The following GALNT13 variants were observed in gnomAD, a reference collection of about 807,000 sequenced individuals.
GALNT13 encodes the protein UDP-GalNAc:polypeptide N-acetylgalactosaminyltransferase 13.
Under a neutral mutation model 64.2 loss-of-function variants are expected in GALNT13, and 28 were observed. The observed-to-expected ratio is 0.44, with a 90% confidence interval of 0.32 to 0.60. The LOEUF is 0.60. Ranked by LOEUF, GALNT13 falls within the 20% of genes least tolerant of loss-of-function variation. The pLI is 0.05. For missense variants in GALNT13, 577 were observed against 669.8 expected (o/e 0.86, Z 1.53); for synonymous variants, 214 against 224.6 (o/e 0.95, Z 0.42).
chr2:153,437,284 G>GA, the GALNT13 span, among the ~76,000 whole-genome samples: 2 of 152,206 alleles, frequency 1.3e-5, no homozygotes, highest in Admixed American at 1.3e-4. Flanking sequence ...GTGTGGTGCT[G>GA]AAAAAAATGT....
At chr2:153,268,576 C>T in the GALNT13 span, among the ~76,000 whole-genome samples, 1 of 152,210 alleles carries the variant, frequency 6.6e-6, no homozygotes, top group Admixed American at 6.5e-5. Flanking sequence ...CCTCTTTTTA[C>T]AGTTCCACTA....
rs551938376 is a variant in GALNT13 at position 154,452,582 on chromosome 2, A to G, written c.*2031A>G. On this transcript the variant is annotated 3_prime_UTR_variant, in exon 13 of 13. Coordinates refer to ENST00000392825, the MANE Select transcript of GALNT13 (RefSeq NM_052917.4). ...ATGGCAAATTTTTATAAATACAGCT[A>G]CCCCATCAAAGCTGAACTTGAAACG... The G allele has an allele frequency of 6.6e-6, 1 of 152,254 alleles. No individual in the cohort carries two copies. Among genetic ancestry groups the G allele is most frequent in the East Asian group, 1.9e-4 (1 of 5,176 alleles). The allele number at this position is 152,254 out of a possible 1,614,324, so 9.4% of individuals were successfully genotyped here. A position where few individuals can be genotyped will look rare whatever the true frequency, so the allele number is the denominator to read the frequency against.
the GALNT13 span, among the ~76,000 whole-genome samples, chr2:153,606,705 G>C: frequency 1.1e-4 from 16 of 151,910 alleles, no homozygotes; most frequent in Non-Finnish European, 1.6e-4. Context: ...ACTTAGAGTA[G>C]TGTGACAAGC....
At chr2:153,811,161 G>A in the GALNT13 span, among the ~76,000 whole-genome samples, 1 of 152,104 alleles carries the variant, frequency 6.6e-6, no homozygotes, top group African/African-American at 2.4e-5. Context: ...GTTCAGAAAG[G>A]TTAGAAATAC....
At chr2:153,503,750 A>G in the GALNT13 span, among the ~76,000 whole-genome samples, 3 of 152,192 alleles carry the variant, frequency 2.0e-5, no homozygotes, top group African/African-American at 7.2e-5. Context: ...CTATGTGCCT[A>G]TTTTTATACA....
chr2:154,350,119 T>TGAA (rs1696309575), intron 9 of GALNT13, among the ~76,000 whole-genome samples: 1 of 152,222 alleles, frequency 6.6e-6, no homozygotes, highest in African/African-American at 2.4e-5. Flanking sequence ...CATTTGTGCA[T>TGAA]TCAACAAACA....
the GALNT13 span, among the ~76,000 whole-genome samples, chr2:153,844,867 A>C: frequency 6.6e-6 from 1 of 152,182 alleles, no homozygotes; most frequent in Non-Finnish European, 1.5e-5. Context: ...AAATATCCCT[A>C]GGCATGAACA....
the GALNT13 span, among the ~76,000 whole-genome samples, chr2:153,788,794 T>C: frequency 8.0e-4 from 121 of 152,044 alleles, no homozygotes; most frequent in Non-Finnish European, 4.4e-5. Context: ...AAGCAGAGGT[T>C]GCAATCCTAA....
At chr2:153,083,310 A>G in the GALNT13 span, among the ~76,000 whole-genome samples, 2 of 152,194 alleles carry the variant, frequency 1.3e-5, no homozygotes, top group Non-Finnish European at 2.9e-5. Flanking sequence ...TCTTTAAGGA[A>G]TTAAAATTGT....
chr2:153,967,554 G>A (rs891730125), intron 3 of GALNT13, among the ~76,000 whole-genome samples: 16 of 152,168 alleles, frequency 1.1e-4, no homozygotes, highest in Non-Finnish European at 2.1e-4. Context: ...CCTAGGCAAA[G>A]CCTCTTGTTT....
chr2:153,851,490 C>T, the GALNT13 span, among the ~76,000 whole-genome samples: 4 of 151,420 alleles, frequency 2.6e-5, no homozygotes, highest in Admixed American at 6.6e-5. Flanking sequence ...GACTTGAGGC[C>T]AGGAGTTCCT....
chr2:153,617,475 G>C, the GALNT13 span, among the ~76,000 whole-genome samples: 1 of 151,848 alleles, frequency 6.6e-6, no homozygotes, highest in Non-Finnish European at 1.5e-5. Context: ...GTATTTTGTT[G>C]ATGATTATTG....
chr2:154,412,976 T>C (rs897272456), intron 11 of GALNT13, among the ~76,000 whole-genome samples: 15 of 151,914 alleles, frequency 9.9e-5, no homozygotes, highest in African/African-American at 3.4e-4. Context: ...AACTTGAATA[T>C]AAACTTTTAC....
At chr2:154,177,639 A>G (rs914330229) in intron 4 of GALNT13, among the ~76,000 whole-genome samples, 2 of 152,192 alleles carry the variant, frequency 1.3e-5, no homozygotes, top group African/African-American at 4.8e-5. Flanking sequence ...GATGTTAGTA[A>G]CAGGGATACT....
chr2:153,882,620 T>C (rs537176338), intron 1 of GALNT13, among the ~76,000 whole-genome samples: 3 of 151,996 alleles, frequency 2.0e-5, no homozygotes, highest in African/African-American at 7.2e-5. Flanking sequence ...TTTATTCCTT[T>C]ATATTCTTTA....
chr2:153,231,803 G>T, the GALNT13 span, among the ~76,000 whole-genome samples: 1 of 151,790 alleles, frequency 6.6e-6, no homozygotes, highest in Non-Finnish European at 1.5e-5. Context: ...TTCCTAGCTG[G>T]GGATAAAAGG....
chr2:153,344,330 C>T, the GALNT13 span, among the ~76,000 whole-genome samples: 2 of 152,214 alleles, frequency 1.3e-5, no homozygotes, highest in Admixed American at 6.5e-5. Flanking sequence ...AGTCTTCAGT[C>T]TTCCCATAAC....
At chr2:154,085,772 G>A (rs1429804670) in intron 3 of GALNT13, among the ~76,000 whole-genome samples, 1 of 151,742 alleles carries the variant, frequency 6.6e-6, no homozygotes, top group Non-Finnish European at 1.5e-5. Flanking sequence ...TTCTTTTCTT[G>A]AAGTACGTTA....
the GALNT13 span, among the ~76,000 whole-genome samples, chr2:153,409,397 A>G: frequency 7.7e-6 from 1 of 129,884 alleles, no homozygotes; most frequent in South Asian, 2.7e-4. Context: ...TATATCTCCT[A>G]GTAGTTCTGT....
Sources: gnomAD v4.1 joint callset for allele counts (sites outside exome capture counted in the v4.1 genomes callset) on GRCh38, gnomAD v4.1.1 for gene constraint, MANE v1.5 for transcripts, NCBI Gene and HGNC (gene_info 2026-07-23, HGNC 2026-07-21) for gene names.